GPM6A: variants seen among roughly 807,000 people sequenced by gnomAD.
GPM6A encodes glycoprotein M6A.
A neutral mutation model predicts 32.1 loss-of-function variants in GPM6A; 7 were observed. The ratio of observed to expected loss-of-function variants is 0.22; its 90% CI spans 0.12 to 0.41. The LOEUF (loss-of-function observed/expected upper bound fraction) is 0.41. Ranked by LOEUF, GPM6A falls within the 10% of genes least tolerant of loss-of-function variation. GPM6A has a pLI of 1.00. For synonymous variants in GPM6A, 130 were observed against 123.4 expected (o/e 1.05, Z -0.35); for missense variants, 235 against 347.2 (o/e 0.68, Z 2.57).
chr4:175,641,331 C>G (rs558608556), intron 4 of GPM6A: 1 of 155,382 alleles, frequency 6.4e-6, no homozygotes, highest in East Asian at 1.9e-4. Flanking sequence ...CTTCTATTTA[C>G]CCTTGTTCCA....
intron 1 of GPM6A, among the ~76,000 whole-genome samples, chr4:175,896,527 T>G (rs373908634): frequency 5.9e-5 from 9 of 152,160 alleles, no homozygotes; most frequent in African/African-American, 2.2e-4. Flanking sequence ...AATTCTGTCT[T>G]CACTCTACCC....
chr4:175,825,720 G>A (rs1735412080), intron 1 of GPM6A, among the ~76,000 whole-genome samples: 1 of 152,134 alleles, frequency 6.6e-6, no homozygotes, highest in African/African-American at 2.4e-5. Flanking sequence ...TTTATTGTTC[G>A]TTAGAAAGGA....
At chr4:175,879,397 C>CGTGT (rs1737194709) in intron 1 of GPM6A, among the ~76,000 whole-genome samples, 1 of 152,132 alleles carries the variant, frequency 6.6e-6, no homozygotes, top group African/African-American at 2.4e-5. Context: ...AAATAACAGA[C>CGTGT]ATGTAATTGA....
intron 1 of GPM6A, among the ~76,000 whole-genome samples, chr4:175,747,194 G>A (rs1339003875): frequency 2.0e-5 from 3 of 148,854 alleles, no homozygotes; most frequent in African/African-American, 7.5e-5. Context: ...CGCTTGAACC[G>A]AGGTGGCAGA....
At chr4:175,955,118 A>G (rs75207890) in intron 1 of GPM6A, among the ~76,000 whole-genome samples, 2,153 of 152,330 alleles carry the variant, frequency 0.014, 53 homozygotes, top group African/African-American at 0.049. Context: ...CCTTCGCCAC[A>G]TAGATAATCC....
At chr4:175,765,770 C>T (rs1425002738) in intron 1 of GPM6A, among the ~76,000 whole-genome samples, 1 of 152,158 alleles carries the variant, frequency 6.6e-6, no homozygotes, top group Non-Finnish European at 1.5e-5. Flanking sequence ...ACTTGCTCCC[C>T]AAATTCACTT....
At chr4:175,734,293 C>A (rs1731561980) in intron 1 of GPM6A, among the ~76,000 whole-genome samples, 1 of 151,972 alleles carries the variant, frequency 6.6e-6, no homozygotes, top group South Asian at 2.1e-4. Context: ...AATTTGCACC[C>A]AAAAGACCCT....
intron 2 of GPM6A, among the ~76,000 whole-genome samples, chr4:175,699,638 C>T (rs1365567821): frequency 4.6e-5 from 7 of 152,214 alleles, no homozygotes; most frequent in Non-Finnish European, 8.8e-5. Flanking sequence ...TTCTTCTAAT[C>T]CCCATGTATG....
At chr4:175,778,620 T>C (rs1451500837) in intron 1 of GPM6A, among the ~76,000 whole-genome samples, 2 of 92,450 alleles carry the variant, frequency 2.2e-5, no homozygotes, top group Non-Finnish European at 3.9e-5. Context: ...CAAGACTCTG[T>C]ATCCAACAAA....
At chr4:175,999,747 A>AAAAAC (rs1208182376) in intron 1 of GPM6A, among the ~76,000 whole-genome samples, 5 of 152,222 alleles carry the variant, frequency 3.3e-5, no homozygotes, top group African/African-American at 7.2e-5. Flanking sequence ...GGAAAAAAAC[A>AAAAAC]AAAACAAAAC....
intron 1 of GPM6A, among the ~76,000 whole-genome samples, chr4:175,763,119 A>G (rs1268791826): frequency 2.0e-5 from 3 of 152,190 alleles, no homozygotes; most frequent in Non-Finnish European, 4.4e-5. Context: ...TAGTTTTTTC[A>G]TTAACAATAA....
chr4:175,949,550 G>A (rs1219180672), intron 1 of GPM6A, among the ~76,000 whole-genome samples: 1 of 150,402 alleles, frequency 6.6e-6, no homozygotes, highest in East Asian at 1.9e-4. Flanking sequence ...AAACAAATAT[G>A]AGTTTGTTTG....
chr4:175,686,468 G>T (rs1215352151), intron 2 of GPM6A, among the ~76,000 whole-genome samples: 9 of 152,174 alleles, frequency 5.9e-5, no homozygotes, highest in Non-Finnish European at 1.5e-5. Context: ...GCAAGCTCAT[G>T]TTTCCTTATG....
chr4:175,941,987 C>T (rs1739427284), intron 1 of GPM6A, among the ~76,000 whole-genome samples: 1 of 152,220 alleles, frequency 6.6e-6, no homozygotes, highest in Non-Finnish European at 1.5e-5. Flanking sequence ...CTAATTTACA[C>T]TCCCAACAAC....
intron 1 of GPM6A, among the ~76,000 whole-genome samples, chr4:175,974,458 C>T (rs1211438950): frequency 2.6e-5 from 4 of 152,076 alleles, no homozygotes; most frequent in East Asian, 1.9e-4. Context: ...CGGGTTCAAG[C>T]GATTCTCCAG....
At position 175,970,767 on chromosome 4, in the gene GPM6A, C is replaced by T. The variant is rs1301480422; in HGVS notation, c.-23+31542G>A. Reference sequence around the variant, plus strand: ...AGGTCACATTAAAAGGAAGGAATTGCAACTAAAAGAAAAGCAAGATTTTAT... The same window carrying T: ...AGGTCACATTAAAAGGAAGGAATTGTAACTAAAAGAAAAGCAAGATTTTAT... On this transcript the variant is annotated intron_variant, in intron 1 of 7. Coordinates refer to the GPM6A transcript ENST00000280187. The T allele has an allele frequency of 7.1e-6, 3 of 424,248 alleles. No homozygotes were observed. The Admixed American group carries it at 8.4e-5, about 12-fold the overall frequency. The allele number at this position is 424,248 out of a possible 1,614,324, so 26.3% of individuals were successfully genotyped here.
intron 1 of GPM6A, among the ~76,000 whole-genome samples, chr4:175,937,423 A>C (rs1739275495): frequency 6.6e-6 from 1 of 152,192 alleles, no homozygotes; most frequent in South Asian, 2.1e-4. Flanking sequence ...AAACTTACTG[A>C]AAATATAAAT....
chr4:175,920,451 A>T (rs1219931184), intron 1 of GPM6A, among the ~76,000 whole-genome samples: 1 of 152,242 alleles, frequency 6.6e-6, no homozygotes, highest in Non-Finnish European at 1.5e-5. Context: ...TTAGTAACTA[A>T]TATCACTGGT....
chr4:175,741,398 C>G (rs1472256414), intron 1 of GPM6A, among the ~76,000 whole-genome samples: 3 of 151,972 alleles, frequency 2.0e-5, no homozygotes, highest in African/African-American at 7.2e-5. Context: ...TTGATCTCTT[C>G]CAGTCTATTT....
Sources: allele counts gnomAD v4.1 joint callset (sites outside exome capture counted in the v4.1 genomes callset), GRCh38; gene constraint gnomAD v4.1.1; transcripts MANE v1.5; gene names NCBI Gene and HGNC (gene_info 2026-07-23, HGNC 2026-07-21).